The following MALT1 variants were observed in gnomAD, a reference collection of about 807,000 sequenced individuals.
MALT1 encodes MALT1 paracaspase, also known as mucosa-associated lymphoid tissue lymphoma translocation protein 1.
MALT1 carries 36 observed loss-of-function variants against 85.5 expected under a neutral mutation model. The ratio of observed to expected loss-of-function variants is 0.42; its 90% CI spans 0.32 to 0.56. The LOEUF is 0.56. MALT1 is among the 20% of genes least tolerant of loss of function. MALT1 has a pLI of 0.10. For missense variants in MALT1, 716 were observed against 981.6 expected (o/e 0.73, Z 3.62); for synonymous variants, 359 against 361.3 (o/e 0.99, Z 0.07).
chr18:58,753,938 T>C lies in MALT1; in HGVS notation c.*6096T>C, dbSNP rs1000424206. 2 of 152,200 alleles carry C rather than the reference T, an allele frequency of 1.3e-5. No homozygotes were observed. The highest frequency in any genetic ancestry group is 2.4e-5 in the African/African-American group (1 of 41,452). 9.4% of individuals were successfully genotyped at this position (152,200 alleles called of 1,614,324 possible). A position where few individuals can be genotyped will look rare whatever the true frequency, so the allele number is the denominator to read the frequency against. ...CACTTTTTTTCATGCTTGAGTTTAG[T>C]TGATAAATAGCATTTTAGATACTAA... On this transcript the variant is annotated 3_prime_UTR_variant, in exon 17 of 17. Transcript: ENST00000649217.
intron 8 of MALT1, among the ~76,000 whole-genome samples, chr18:58,715,716 C>T (rs9966101): frequency 0.071 from 10,837 of 152,118 alleles, 1,305 homozygotes; most frequent in African/African-American, 0.25. Flanking sequence ...GCATATAGAA[C>T]GGTGCCAGCT....
intron 4 of MALT1, among the ~76,000 whole-genome samples, chr18:58,701,786 T>C (rs983714362): frequency 2.6e-5 from 4 of 152,236 alleles, no homozygotes; most frequent in Non-Finnish European, 5.9e-5. Context: ...TATTTCTATA[T>C]TTTGGTTGTT....
Position 58,748,633 on chromosome 18 carries a change from G to A in MALT1, c.*791G>A, listed in dbSNP as rs1202954060. 1 of 191,032 alleles carries A rather than the reference G, an allele frequency of 5.2e-6. No individual in the cohort carries two copies. The highest frequency in any genetic ancestry group is 2.3e-5 in the African/African-American group (1 of 43,084). The allele number at this position is 191,032 out of a possible 1,614,324, so 11.8% of individuals were successfully genotyped here. ...GGATAATTTTCATAGCTGCCTATCA[G>A]AATTTCCCAAATATTTAGCATCTTC... On this transcript the variant is annotated 3_prime_UTR_variant, in exon 17 of 17. Transcript: ENST00000649217.
At chr18:58,745,503 G>A (rs1263149091) in intron 15 of MALT1, among the ~76,000 whole-genome samples, 163 bp from the exon 16 acceptor site, 1 of 152,114 alleles carries the variant, frequency 6.6e-6, no homozygotes, top group Non-Finnish European at 1.5e-5. Flanking sequence ...ACCATAGATT[G>A]TTGTTTTCAT....
At chr18:58,700,132 A>T (rs2054650880) in intron 3 of MALT1, among the ~76,000 whole-genome samples, 2 of 152,180 alleles carry the variant, frequency 1.3e-5, no homozygotes. Context: ...GCAGTTGTAG[A>T]TTCTTTCAAT....
In MALT1 at chr18:58,747,865, C is replaced by T. The variant is rs1568159497; in HGVS notation, c.*23C>T. 1 of 1,591,118 alleles carries T rather than the reference C, an allele frequency of 6.3e-7. No individual in the cohort carries two copies. Among genetic ancestry groups the T allele is most frequent in the Non-Finnish European group, 8.6e-7 (1 of 1,163,934 alleles). ...TGACCTCCTTGTTTTTGAAAGTTAG[C>T]ATAATTTTAGATGCCTGTGAAATAG... On this transcript the variant is annotated 3_prime_UTR_variant, in exon 17 of 17. Transcript: ENST00000649217.
At chr18:58,731,766 TAAACGTGTG>T (rs1451327072) in intron 10 of MALT1, among the ~76,000 whole-genome samples, 23 of 147,632 alleles carry the variant, frequency 1.6e-4, no homozygotes, top group Non-Finnish European at 2.9e-4. Context: ...CTTGATAACA[TAAACGTGTG>T]AATCGTGTGA....
intron 13 of MALT1, among the ~76,000 whole-genome samples, chr18:58,740,443 C>T (rs1323101796): frequency 1.3e-5 from 2 of 152,024 alleles, no homozygotes; most frequent in East Asian, 3.8e-4. Flanking sequence ...TAAGGCTTTA[C>T]ATTTCTCTTA....
rs568220859 is a variant in MALT1, at chr18:58,742,124, G to A, written c.1753+110G>A. ...CCAGTTTTACAGTGAAAATATTTTG[G>A]CCTACTAGGCAAATCTCAAACCAAA... On this transcript the variant is annotated intron_variant, in intron 14 of 16. Transcript: ENST00000649217. 2.1e-4 allele frequency: 170 copies of A among 797,318 alleles called. 1 individual carries two copies. The African/African-American group carries it at 2.8e-3, about 13-fold the overall frequency. The allele number at this position is 797,318 out of a possible 1,614,324, so 49.4% of individuals were successfully genotyped here.
Position 58,735,337 on chromosome 18 carries a change from A to G in MALT1, c.1603+8A>G. 6.3e-7 allele frequency: 1 copy of G among 1,589,806 alleles called. No homozygotes were observed. Among genetic ancestry groups the G allele is most frequent in the Non-Finnish European group, 8.5e-7 (1 of 1,174,928 alleles). ...TGGATGAAGTTGCAGAAGGTAAAAT[A>G]AAAAATAAAGAGAAAAGTACTCAGA... is the stretch of plus-strand genomic sequence containing the variant. On this transcript the variant is annotated splice_region_variant and intron_variant, in intron 13 of 16. Transcript: ENST00000649217.
rs1249722162 is a variant in MALT1, at chr18:58,716,232, CAT to C, written c.1018+266_1018+267del. ...AAACAGACATGCGTACAAAAAGAAA[CAT>C]GTACATGCTGCATAGTTAGCATAGA... On this transcript the variant is annotated intron_variant, in intron 9 of 16. Transcript: ENST00000649217. Among the ~76,000 whole-genome samples, 10 of 152,236 alleles carry C rather than the reference CAT, an allele frequency of 6.6e-5. No individual in the cohort carries two copies. The South Asian group carries it at 8.3e-4, about 13-fold the overall frequency.
chr18:58,690,750 G>A (rs746678282), intron 2 of MALT1: 1 of 201,822 alleles, frequency 5.0e-6, no homozygotes. Flanking sequence ...CTTCTCAGGG[G>A]TGTCAAGCAG....
In MALT1 at chr18:58,752,539, G is replaced by T. The variant is rs1198266095; in HGVS notation, c.*4697G>T. ...CACACCTGTAATCCCAGCACTTCGG[G>T]AGACTGCGGTAAGCAGATCATTTGA... On this transcript the variant is annotated 3_prime_UTR_variant, in exon 17 of 17. Transcript: ENST00000649217. 6.6e-6 allele frequency: 1 copy of T among 151,516 alleles called. No homozygotes were observed. Among genetic ancestry groups the T allele is most frequent in the Non-Finnish European group, 1.5e-5 (1 of 67,978 alleles). 9.4% of individuals were successfully genotyped at this position (151,516 alleles called of 1,614,324 possible).
chr18:58,745,681 C>T lies in MALT1; in HGVS notation c.1927C>T (p.Pro643Ser). The T allele has an allele frequency of 6.2e-7, 1 of 1,612,326 alleles. No homozygotes were observed. The highest frequency in any genetic ancestry group is 8.5e-7 in the Non-Finnish European group (1 of 1,179,168). ...TDFPLDLDID[P>S]KDANKGTPEE... ...TTTTTTACAGGATCTAGATATTGAT[C>T]CAAAAGATGCAAATAAAGGCACACC... Residue 643 changes from proline to serine, a missense_variant, in exon 16 of 17, where the codon CCA becomes TCA. By Grantham distance (74) the Pro-to-Ser change is moderately conservative. Around this residue, in one of 4 missense-constraint regions of MALT1, gnomAD observed 260 missense variants for 323.7 expected, o/e 0.80. Coordinates refer to ENST00000649217, the MANE Select transcript of MALT1 (RefSeq NM_006785.4).
At chr18:58,714,977 T>C (rs1369588267) in intron 8 of MALT1, among the ~76,000 whole-genome samples, 2 of 152,222 alleles carry the variant, frequency 1.3e-5, no homozygotes, top group Non-Finnish European at 2.9e-5. Flanking sequence ...GTGAATGCCA[T>C]TGGGCTGTGC....
chr18:58,736,563 T>G (rs1211305432), intron 13 of MALT1, among the ~76,000 whole-genome samples: 1 of 152,214 alleles, frequency 6.6e-6, no homozygotes, highest in African/African-American at 2.4e-5. Flanking sequence ...TTAAGTCCAT[T>G]TTAACTATTT....
chr18:58,687,149 T>G (rs969150447), intron 2 of MALT1, among the ~76,000 whole-genome samples: 1 of 152,202 alleles, frequency 6.6e-6, no homozygotes, highest in Non-Finnish European at 1.5e-5. Context: ...GGGACTTTTC[T>G]TATTTCATGA....
chr18:58,691,552 C>T (rs2054499432), intron 2 of MALT1: 1 of 185,292 alleles, frequency 5.4e-6, no homozygotes, highest in South Asian at 1.0e-4. Context: ...ACTCTCTCAG[C>T]ATTTTTGGTG....
At chr18:58,681,963 G>A (rs905202464) in intron 2 of MALT1, among the ~76,000 whole-genome samples, 5 of 152,190 alleles carry the variant, frequency 3.3e-5, no homozygotes, top group Non-Finnish European at 5.9e-5. Context: ...GTCTACAGCA[G>A]TGGTGGAGGG....
Sources: allele counts gnomAD v4.1 joint callset (sites outside exome capture counted in the v4.1 genomes callset), GRCh38; gene constraint gnomAD v4.1.1; regional missense constraint gnomAD v4.1.1; transcripts MANE v1.5; gene names NCBI Gene and HGNC (gene_info 2026-07-23, HGNC 2026-07-21).